The following DCHS2 variants were observed in gnomAD, a reference collection of about 807,000 sequenced individuals.
The protein encoded by DCHS2 is protocadherin-23.
Under a neutral mutation model 182.4 loss-of-function variants are expected in DCHS2, and 142 were observed. That is an observed-to-expected ratio of 0.78 (90% CI 0.68 to 0.89). The LOEUF is 0.89. DCHS2 is among the 40% of genes least tolerant of loss of function. DCHS2 has a pLI of 0.00. For missense variants in DCHS2, 4,319 were observed against 4,198.6 expected (o/e 1.03, Z -0.79); for synonymous variants, 1,740 against 1,663.3 (o/e 1.05, Z -1.12).
intron 2 of DCHS2, among the ~76,000 whole-genome samples, chr4:154,371,449 ACAAT>A (rs1332938054): frequency 7.9e-5 from 12 of 152,170 alleles, no homozygotes; most frequent in African/African-American, 2.6e-4. Flanking sequence ...AGTTAAAGAA[ACAAT>A]CAGAGACCAG....
At chr4:154,375,462 C>A (rs986195083) in intron 2 of DCHS2, among the ~76,000 whole-genome samples, 3 of 151,778 alleles carry the variant, frequency 2.0e-5, no homozygotes, top group African/African-American at 7.3e-5. Flanking sequence ...ATATAAAGAA[C>A]TCATGCACAT....
At chr4:154,318,176 C>T (rs1371172090) in intron 9 of DCHS2, among the ~76,000 whole-genome samples, 1 of 151,574 alleles carries the variant, frequency 6.6e-6, no homozygotes, top group African/African-American at 2.4e-5. Context: ...AGTTAGTTCT[C>T]CAAATACAAA....
At chr4:154,300,372 G>T (rs1168669167) in intron 12 of DCHS2, among the ~76,000 whole-genome samples, 1 of 152,026 alleles carries the variant, frequency 6.6e-6, no homozygotes, top group Admixed American at 6.6e-5. Flanking sequence ...GAATAGTATC[G>T]AGGCAGCAAT....
intron 14 of DCHS2, among the ~76,000 whole-genome samples, chr4:154,266,655 CAAA>C (rs34664853): frequency 5.8e-5 from 8 of 137,120 alleles, no homozygotes; most frequent in Admixed American, 7.3e-5. Context: ...GGCTCCGTCT[CAAA>C]AAAAAAAAAA....
intron 7 of DCHS2, among the ~76,000 whole-genome samples, chr4:154,324,096 C>G (rs999802905): frequency 1.3e-5 from 2 of 152,208 alleles, no homozygotes; most frequent in Admixed American, 1.3e-4. Flanking sequence ...GGTTGGTTCA[C>G]TAACATCCAC....
At chr4:154,289,369 C>T (rs2111256187) in intron 13 of DCHS2, among the ~76,000 whole-genome samples, 1 of 151,974 alleles carries the variant, frequency 6.6e-6, no homozygotes, top group Middle Eastern at 3.4e-3. Context: ...CACATATAAC[C>T]TACCAATATT....
At chr4:154,372,972 T>C (rs886699003) in intron 2 of DCHS2, among the ~76,000 whole-genome samples, 3 of 152,194 alleles carry the variant, frequency 2.0e-5, no homozygotes, top group Non-Finnish European at 4.4e-5. Flanking sequence ...GCAAATGGGT[T>C]CTCAGCAATT....
At chr4:154,369,252 A>G (rs1372498198) in intron 2 of DCHS2, among the ~76,000 whole-genome samples, 1 of 152,148 alleles carries the variant, frequency 6.6e-6, no homozygotes, top group South Asian at 2.1e-4. Flanking sequence ...AAAAGGGGGG[A>G]AAATGCTGAA....
intron 15 of DCHS2, among the ~76,000 whole-genome samples, chr4:154,258,992 C>A (rs748483934): frequency 7.2e-5 from 11 of 151,834 alleles, no homozygotes; most frequent in Non-Finnish European, 1.5e-4. Context: ...ATGAAACAAG[C>A]ACTTGTCCTG....
intron 2 of DCHS2, among the ~76,000 whole-genome samples, chr4:154,376,977 A>C (rs1730929981): frequency 6.6e-6 from 1 of 152,190 alleles, no homozygotes; most frequent in Non-Finnish European, 1.5e-5. Flanking sequence ...TAATCAAGAA[A>C]ATTTAACATA....
chr4:154,325,593 CA>C (rs1239557041), intron 7 of DCHS2, among the ~76,000 whole-genome samples: 2 of 151,510 alleles, frequency 1.3e-5, no homozygotes, highest in East Asian at 1.9e-4. Context: ...AAAGGGAAGA[CA>C]AAAAAAGAGG....
At chr4:154,488,272 G>T (rs1319909734) in intron 1 of DCHS2, among the ~76,000 whole-genome samples, 2 of 150,794 alleles carry the variant, frequency 1.3e-5, no homozygotes, top group Admixed American at 6.6e-5. Context: ...TAGTGAAGGA[G>T]AGATCAGGAA....
chr4:154,377,295 C>A lies in DCHS2; in HGVS notation c.2202G>T (p.Arg734Ser), dbSNP rs548734507. 1.2e-6 allele frequency: 2 copies of A among 1,613,596 alleles called. No homozygotes were observed. Among genetic ancestry groups the A allele is most frequent in the East Asian group, 4.5e-5 (2 of 44,872 alleles). Residue 734 changes from arginine (R) to serine (S), a missense_variant, in exon 2 of 20, where the codon AGG (arginine) becomes AGT (serine). Arg to Ser is a moderately radical substitution (Grantham distance 110). Transcript: ENST00000357232. ...CCAGGAGATCATAGGTAGCTGGATC[C>A]CTTTCCCTGTCGATATCTTGAGAAA... ...ICVSQDIDRE[R>S]DPATYDLLVE...
At chr4:154,315,003 G>C (rs1578953818) in intron 10 of DCHS2, among the ~76,000 whole-genome samples, 2 of 152,248 alleles carry the variant, frequency 1.3e-5, no homozygotes, top group East Asian at 1.9e-4. Context: ...CTGAACCTTA[G>C]TTGCCAAAAC....
chr4:154,275,124 T>C (rs574560004), intron 13 of DCHS2, among the ~76,000 whole-genome samples: 2 of 152,204 alleles, frequency 1.3e-5, no homozygotes, highest in Non-Finnish European at 2.9e-5. Context: ...ATAGTAGTTT[T>C]CCTTAGAAGC....
rs187486698 is a variant in DCHS2 at position 154,386,433 on chromosome 4, A to C, written c.2053-8989T>G. Among the ~76,000 whole-genome samples, 3 of 152,100 alleles carry C rather than the reference A, an allele frequency of 2.0e-5. No individual in the cohort carries two copies. The East Asian group carries it at 5.8e-4, about 29-fold the overall frequency. ...CATCTCTTTACTCTTTGTACACCTA[A>C]TCACACAGGCCTTGATTGATGCTCT... On this transcript the variant is annotated intron_variant, in intron 1 of 19. Transcript: ENST00000357232.
chr4:154,258,076 G>A (rs1732786556), intron 15 of DCHS2, among the ~76,000 whole-genome samples: 1 of 152,214 alleles, frequency 6.6e-6, no homozygotes, highest in Non-Finnish European at 1.5e-5. Flanking sequence ...GCCTCACTGG[G>A]CAGGGATGAT....
intron 3 of DCHS2, among the ~76,000 whole-genome samples, chr4:154,364,209 C>T (rs1186870157): frequency 3.9e-5 from 6 of 152,166 alleles, no homozygotes; most frequent in African/African-American, 1.2e-4. Context: ...GTGCTATAGT[C>T]GCTGCCAGGA....
intron 3 of DCHS2, among the ~76,000 whole-genome samples, chr4:154,354,555 T>G (rs374714220): frequency 1.3e-5 from 2 of 152,256 alleles, no homozygotes; most frequent in Admixed American, 6.5e-5. Context: ...CATTACTTTA[T>G]GTATGGATTT....
Sources: allele counts gnomAD v4.1 joint callset (sites outside exome capture counted in the v4.1 genomes callset), GRCh38; gene constraint gnomAD v4.1.1; transcripts MANE v1.5; gene names NCBI Gene and HGNC (gene_info 2026-07-23, HGNC 2026-07-21).